The following APP variants were observed in gnomAD, a reference collection of about 807,000 sequenced individuals.
APP encodes the protein amyloid-beta precursor protein.
In APP, 31 loss-of-function variants were observed where a neutral mutation model predicts 101.4. The ratio of observed to expected loss-of-function variants is 0.31; its 90% CI spans 0.23 to 0.41. APP has a LOEUF of 0.41. APP is among the 10% of genes least tolerant of loss of function. The probability of loss-of-function intolerance (pLI) is 1.00; values close to 1 mark genes in which losing one functional copy is unlikely to be tolerated. For missense variants in APP, 839 were observed against 1,003.7 expected, an observed-to-expected ratio of 0.84 and a Z score of 2.22; for synonymous variants, 366 against 364.4, an observed-to-expected ratio of 1.00 and a Z score of -0.05.
At position 26,170,683 on chromosome 21, in the gene APP, C is replaced by A; in HGVS notation, c.-63G>T. ...GAGTGGGATCCGCCGCGTCCTTGCTCTGCCCGCGCCGCCACCGCCGCCGTC... is the reference window on the plus strand; with the variant it reads ...GAGTGGGATCCGCCGCGTCCTTGCTATGCCCGCGCCGCCACCGCCGCCGTC... On this transcript the variant is annotated 5_prime_UTR_variant, in exon 1 of 18. Transcript: ENST00000346798. 1 of 1,450,200 alleles carries A rather than the reference C, an allele frequency of 6.9e-7. No individual in the cohort carries two copies. The highest frequency in any genetic ancestry group is 2.6e-5 in the Admixed American group (1 of 37,894). The allele number at this position is 1,450,200 out of a possible 1,614,324, so 89.8% of individuals were successfully genotyped here.
chr21:25,969,985 GGAGA>G (rs1379700501), intron 11 of APP, among the ~76,000 whole-genome samples: 2 of 108,802 alleles, frequency 1.8e-5, no homozygotes, highest in Non-Finnish European at 3.6e-5. Flanking sequence ...AAGGAAGGCA[GGAGA>G]GAAAGAGAAA....
At chr21:26,065,320 A>G (rs891564133) in intron 3 of APP, among the ~76,000 whole-genome samples, 46 of 152,206 alleles carry the variant, frequency 3.0e-4, no homozygotes, top group Admixed American at 2.6e-3. Flanking sequence ...AAAAAAGTCT[A>G]TAAAATTATT....
At chr21:25,890,133 C>CA (rs546103167) in intron 17 of APP, among the ~76,000 whole-genome samples, 24 of 152,260 alleles carry the variant, frequency 1.6e-4, no homozygotes, top group East Asian at 1.5e-3. Context: ...TATGTGCTCA[C>CA]ACTCTGATCT....
At chr21:26,169,283 G>A (rs1317822242) in intron 1 of APP, 1 of 152,330 alleles carries the variant, frequency 6.6e-6, no homozygotes, top group Non-Finnish European at 1.5e-5. Context: ...CACTGCAGAG[G>A]CGCCATCTTC....
At chr21:26,156,000 CAAAAA>C (rs757330872) in intron 1 of APP, among the ~76,000 whole-genome samples, 1 of 90,172 alleles carries the variant, frequency 1.1e-5, no homozygotes, top group Non-Finnish European at 2.4e-5. Flanking sequence ...GACTTCGTCT[CAAAAA>C]AAAAAAAAAA....
intron 3 of APP, among the ~76,000 whole-genome samples, chr21:26,067,314 C>G (rs1053825062): frequency 1.3e-5 from 2 of 152,124 alleles, no homozygotes; most frequent in Non-Finnish European, 2.9e-5. Flanking sequence ...TTTTTATACT[C>G]ACAGCATAGT....
At chr21:25,935,660 T>C (rs1299456622) in intron 13 of APP, among the ~76,000 whole-genome samples, 1 of 151,816 alleles carries the variant, frequency 6.6e-6, no homozygotes, top group Non-Finnish European at 1.5e-5. Context: ...ATCAACATAC[T>C]GAAACCCCGT....
chr21:25,914,766 G>A (rs572012279), intron 13 of APP, among the ~76,000 whole-genome samples: 8 of 152,174 alleles, frequency 5.3e-5, no homozygotes, highest in Admixed American at 2.6e-4. Context: ...TGTTAGCCAG[G>A]ATGGTCTCCA....
intron 8 of APP, among the ~76,000 whole-genome samples, chr21:25,993,693 C>T (rs182483632): frequency 2.0e-5 from 3 of 152,186 alleles, no homozygotes; most frequent in African/African-American, 7.2e-5. Context: ...CACGTGTTTA[C>T]ACCAGGAGAG....
At chr21:26,061,547 A>T (rs1205403906) in intron 3 of APP, among the ~76,000 whole-genome samples, 2 of 152,232 alleles carry the variant, frequency 1.3e-5, no homozygotes, top group African/African-American at 4.8e-5. Flanking sequence ...TACTTCACAG[A>T]AACAGCCAAA....
At chr21:25,972,343 CAT>C (rs562070763) in intron 11 of APP, among the ~76,000 whole-genome samples, 25 of 151,976 alleles carry the variant, frequency 1.6e-4, no homozygotes, top group Non-Finnish European at 2.5e-4. Flanking sequence ...AAAAAAAAGA[CAT>C]GTTATTTTTA....
chr21:26,044,969 G>A (rs1255335083), intron 5 of APP, among the ~76,000 whole-genome samples: 1 of 152,218 alleles, frequency 6.6e-6, no homozygotes, highest in Non-Finnish European at 1.5e-5. Flanking sequence ...TGATGTGACA[G>A]TATTCCTTGC....
At position 25,881,406 on chromosome 21, in the gene APP, AC is replaced by A. The variant is rs2036975401; in HGVS notation, c.*263del. On this transcript the variant is annotated 3_prime_UTR_variant, in exon 18 of 18. Coordinates refer to ENST00000346798, the MANE Select transcript of APP (RefSeq NM_000484.4). ...GAATCTATTCATGCACTAGTTTGATACAGCTAAATTCTTTACAGTACACAAA... is the reference window on the plus strand; with the variant it reads ...GAATCTATTCATGCACTAGTTTGATAAGCTAAATTCTTTACAGTACACAAA... 1 of 527,490 alleles carries A rather than the reference AC, an allele frequency of 1.9e-6. No homozygotes were observed. The highest frequency in any genetic ancestry group is 3.1e-5 in the Admixed American group (1 of 31,872). 32.7% of individuals were successfully genotyped at this position (527,490 alleles called of 1,614,324 possible). A position where few individuals can be genotyped will look rare whatever the true frequency, so the allele number is the denominator to read the frequency against.
intron 1 of APP, among the ~76,000 whole-genome samples, chr21:26,148,853 T>C (rs545572041): frequency 3.0e-4 from 46 of 152,366 alleles, no homozygotes; most frequent in African/African-American, 1.1e-3. Context: ...ATTTAGATAC[T>C]TTGTAGATGT....
intron 3 of APP, among the ~76,000 whole-genome samples, chr21:26,060,276 A>G (rs2046219408): frequency 6.6e-6 from 1 of 152,188 alleles, no homozygotes; most frequent in African/African-American, 2.4e-5. Context: ...ACATGTGAGT[A>G]CTGCTTATGA....
At chr21:25,966,392 G>A (rs2041798684) in intron 11 of APP, among the ~76,000 whole-genome samples, 1 of 152,130 alleles carries the variant, frequency 6.6e-6, no homozygotes, top group Non-Finnish European at 1.5e-5. Flanking sequence ...AACGGATGGT[G>A]AACAAATAAA....
chr21:25,998,424 G>T (rs922772072), intron 7 of APP, among the ~76,000 whole-genome samples: 5 of 149,878 alleles, frequency 3.3e-5, no homozygotes, highest in African/African-American at 1.2e-4. Context: ...GAGGTTATCA[G>T]TTCCTACACC....
At chr21:26,127,576 G>T (rs1186136418) in intron 1 of APP, among the ~76,000 whole-genome samples, 4 of 152,194 alleles carry the variant, frequency 2.6e-5, no homozygotes, top group Non-Finnish European at 5.9e-5. Flanking sequence ...GACCTCAGGG[G>T]ACTTACAGCT....
At chr21:26,082,230 A>AAAAT (rs138265791) in intron 3 of APP, among the ~76,000 whole-genome samples, 44,287 of 151,404 alleles carry the variant, frequency 0.29, 6,503 homozygotes, top group Admixed American at 0.34. Flanking sequence ...AAAAATGAAT[A>AAAAT]AAATAAATAA....
Sources: gnomAD v4.1 joint callset for allele counts (sites outside exome capture counted in the v4.1 genomes callset) on GRCh38, gnomAD v4.1.1 for gene constraint, MANE v1.5 for transcripts, NCBI Gene and HGNC (gene_info 2026-07-23, HGNC 2026-07-21) for gene names.